GET1: variants seen among roughly 807,000 people sequenced by gnomAD.
GET1 encodes the protein congenital heart disease 5 protein.
In GET1, 20 loss-of-function variants were observed where a neutral mutation model predicts 22.6. The observed-to-expected ratio is 0.89, with a 90% CI of 0.62 to 1.29. The LOEUF (loss-of-function observed/expected upper bound fraction) is 1.29, where lower values mean the gene tolerates loss of function less well. GET1 is among the 50% of genes most tolerant of loss of function. The probability of loss-of-function intolerance (pLI) is 0.00; values close to 1 mark genes in which losing one functional copy is unlikely to be tolerated. For synonymous variants in GET1, 92 were observed against 83.8 expected (o/e 1.10, Z -0.53); for missense variants, 209 against 219.9 (o/e 0.95, Z 0.31).
chr21:39,414,721 T>TCC (rs1274620244), intron 1 of GET1, among the ~76,000 whole-genome samples: 1 of 107,350 alleles, frequency 9.3e-6, no homozygotes, highest in East Asian at 2.8e-4. Flanking sequence ...TCCCTCTCTC[T>TCC]CTCTCTCTCT....
Position 39,397,689 on chromosome 21 carries a change from A to G in GET1, c.*750A>G, listed in dbSNP as rs1601645810. On this transcript the variant is annotated 3_prime_UTR_variant, in exon 5 of 5. Transcript: ENST00000649170. ...AAAACAAACCTTATAAGTCCTGATT[A>G]ATCTGAACCAATAACCTGTGTGGCC... 2.6e-5 allele frequency: 4 copies of G among 152,210 alleles called. No homozygotes were observed. Among genetic ancestry groups the G allele is most frequent in the African/African-American group, 9.6e-5 (4 of 41,526 alleles). 9.4% of individuals were successfully genotyped at this position (152,210 alleles called of 1,614,324 possible).
chr21:39,387,691 TC>T (rs369726797), intron 1 of GET1: 6,751 of 105,264 alleles, frequency 0.064, 48 homozygotes, highest in African/African-American at 0.077. Flanking sequence ...CTCCCCACAC[TC>T]CCCCCCCCCA....
chr21:39,392,144 G>A (rs1031476577), intron 3 of GET1: 5 of 307,026 alleles, frequency 1.6e-5, no homozygotes, highest in South Asian at 5.1e-5. Flanking sequence ...TGAAGCGAGA[G>A]GCTTATAGAT....
intron 1 of GET1, chr21:39,420,910 G>A (rs2042189517): frequency 1.7e-6 from 2 of 1,205,806 alleles, no homozygotes; most frequent in South Asian, 1.3e-5. Flanking sequence ...CAATTATCAT[G>A]GAACTAACTA....
intron 3 of GET1, among the ~76,000 whole-genome samples, chr21:39,392,276 GC>G (rs937301594): frequency 1.2e-4 from 18 of 152,126 alleles, no homozygotes; most frequent in Non-Finnish European, 2.4e-4. Context: ...TTGGCTTCTA[GC>G]CTCCCTGCCT....
At chr21:39,411,788 C>T (rs1238016469) in intron 1 of GET1, 2 of 1,584,184 alleles carry the variant, frequency 1.3e-6, no homozygotes, top group East Asian at 4.5e-5. Flanking sequence ...TAATTTCAAG[C>T]TCACGATCCT....
chr21:39,423,980 A>C (rs1569102275), intron 1 of GET1, among the ~76,000 whole-genome samples: 1 of 152,044 alleles, frequency 6.6e-6, no homozygotes, highest in Non-Finnish European at 1.5e-5. Flanking sequence ...CAGAGTTAAG[A>C]TCCCATCTCT....
At chr21:39,417,858 C>T (rs186524739) in intron 1 of GET1, among the ~76,000 whole-genome samples, 3 of 152,124 alleles carry the variant, frequency 2.0e-5, no homozygotes, top group Non-Finnish European at 2.9e-5. Flanking sequence ...CTCCGCCTCC[C>T]GAGTTCACAC....
At position 39,406,135 on chromosome 21, in the gene GET1, T is replaced by C. The variant is rs1462185192; in HGVS notation, c.*151T>C. 3.1e-6 allele frequency: 5 copies of C among 1,614,252 alleles called. No homozygotes were observed. In the East Asian group the frequency reaches 8.9e-5, roughly 29 times the overall value. On this transcript the variant is annotated 3_prime_UTR_variant, in exon 5 of 5. Coordinates refer to the GET1 transcript ENST00000415847. ...TTTCTTATCTCTGAAAGTTGTATCC[T>C]TCACTTTTATTCTGGAAGACTTACC...
chr21:39,406,825 G>T, downstream of GET1: 1 of 457,206 alleles, frequency 2.2e-6, no homozygotes, highest in South Asian at 4.7e-5. Context: ...CCAAGCAGAT[G>T]GGAATTATGA....
At chr21:39,419,616 T>C (rs1601804582) in intron 1 of GET1, among the ~76,000 whole-genome samples, 1 of 152,206 alleles carries the variant, frequency 6.6e-6, no homozygotes, top group East Asian at 1.9e-4. Flanking sequence ...CCCATAGTGA[T>C]ACTTTTACGA....
At chr21:39,403,483 G>T (rs1405585345) in intron 4 of GET1, among the ~76,000 whole-genome samples, 1 of 150,896 alleles carries the variant, frequency 6.6e-6, no homozygotes, top group Non-Finnish European at 1.5e-5. Context: ...CCGCCACCAC[G>T]CCCGGCTAAT....
intron 1 of GET1, among the ~76,000 whole-genome samples, chr21:39,412,866 C>G (rs1172307515): frequency 6.6e-6 from 1 of 152,194 alleles, no homozygotes. Flanking sequence ...GCTAAATACC[C>G]TCTCTAGGCC....
chr21:39,418,533 CTCTG>C (rs1173230386), intron 1 of GET1, among the ~76,000 whole-genome samples: 6 of 152,032 alleles, frequency 3.9e-5, no homozygotes. Flanking sequence ...TGGAGCCTCA[CTCTG>C]TCACCCAGGG....
chr21:39,380,935 G>GCT, intron 1 of GET1: 1 of 187,978 alleles, frequency 5.3e-6, no homozygotes, highest in Non-Finnish European at 9.8e-6. Context: ...GGTAGGGTGG[G>GCT]AGACAGGTGT....
downstream of GET1, chr21:39,411,108 C>A: frequency 3.0e-6 from 1 of 333,826 alleles, no homozygotes; most frequent in South Asian, 2.4e-5. Flanking sequence ...ACAAAAGCAG[C>A]CAGATACAAA....
downstream of GET1, chr21:39,411,006 G>A (rs758668761): frequency 2.2e-6 from 1 of 457,080 alleles, no homozygotes; most frequent in Non-Finnish European, 4.5e-6. Flanking sequence ...AGCAGTGCAC[G>A]TGCTCTTGAA....
chr21:39,415,570 T>A (rs1324852155), intron 1 of GET1, among the ~76,000 whole-genome samples: 2 of 152,216 alleles, frequency 1.3e-5, no homozygotes, highest in African/African-American at 4.8e-5. Flanking sequence ...AAAACCTAAC[T>A]GCAGTATCTT....
At chr21:39,386,157 TAA>T (rs2037885318) in intron 1 of GET1, 1 of 152,284 alleles carries the variant, frequency 6.6e-6, no homozygotes, top group Admixed American at 6.5e-5. Context: ...CTTTCTGCTG[TAA>T]AGAGTGGCCA....
Sources: gnomAD v4.1 joint callset for allele counts (sites outside exome capture counted in the v4.1 genomes callset) on GRCh38, gnomAD v4.1.1 for gene constraint, MANE v1.5 for transcripts, NCBI Gene and HGNC (gene_info 2026-07-23, HGNC 2026-07-21) for gene names.